DCK: variants seen among roughly 807,000 people sequenced by gnomAD.
DCK encodes deoxyadenosine kinase.
Under a neutral mutation model 38.3 loss-of-function variants are expected in DCK, and 23 were observed. The observed-to-expected ratio is 0.60, with a 90% CI of 0.43 to 0.85. DCK has a LOEUF of 0.85. Among genes scored for constraint, DCK ranks in the 40% least tolerant of loss-of-function variants. The probability of loss-of-function intolerance (pLI) is 0.00; values close to 1 mark genes in which losing one functional copy is unlikely to be tolerated. For synonymous variants in DCK, 108 were observed against 100.6 expected (o/e 1.07, Z -0.44); for missense variants, 259 against 304.4 (o/e 0.85, Z 1.11).
intron 3 of DCK, 28 bp downstream of exon 3, chr4:71,022,588 A>C (rs746713530): frequency 7.7e-7 from 1 of 1,303,184 alleles, no homozygotes; most frequent in African/African-American, 1.5e-5. Flanking sequence ...GTACGTGGCC[A>C]TTTGAAGTTT....
chr4:71,022,001 CAAAAA>C (rs981014579), intron 2 of DCK, among the ~76,000 whole-genome samples: 3 of 150,298 alleles, frequency 2.0e-5, no homozygotes, highest in African/African-American at 7.3e-5. Context: ...GACTCCATCT[CAAAAA>C]AGAAAAAAAA....
chr4:70,999,777 G>T lies in DCK; in HGVS notation c.207+1595G>T, dbSNP rs562410064. On this transcript the variant is annotated intron_variant, in intron 2 of 6. Coordinates refer to ENST00000286648, the MANE Select transcript of DCK (RefSeq NM_000788.3). The stretch of plus-strand genomic sequence containing the variant: ...TTGCATTTCTCTAATGACTGGTGAT[G>T]ATGAGCTTTTTTTCATGTTTGTTGG... 7.2e-4 allele frequency among the ~76,000 whole-genome samples: 110 copies of T among 152,306 alleles called. 1 individual carries two copies. The highest frequency in any genetic ancestry group is 2.4e-3 in the African/African-American group (101 of 41,564).
intron 2 of DCK, among the ~76,000 whole-genome samples, chr4:70,998,579 G>A (rs974470560): frequency 6.6e-6 from 1 of 152,146 alleles, no homozygotes; most frequent in Admixed American, 6.5e-5. Flanking sequence ...TGGTATCTGT[G>A]TGGAACCTGG....
At chr4:71,005,846 C>T (rs1286543749) in intron 2 of DCK, among the ~76,000 whole-genome samples, 1 of 151,740 alleles carries the variant, frequency 6.6e-6, no homozygotes, top group Non-Finnish European at 1.5e-5. Flanking sequence ...GCAAATAAGG[C>T]CGGGTGCGGT....
At chr4:71,026,521 G>A (rs1740551194) in intron 5 of DCK, 144 bp from the exon 6 acceptor site, 2 of 614,832 alleles carry the variant, frequency 3.3e-6, no homozygotes. Context: ...AGAAGGGGCT[G>A]CCAGATGAAG....
intron 2 of DCK, among the ~76,000 whole-genome samples, chr4:71,022,078 T>G (rs1740439242): frequency 6.6e-6 from 1 of 152,224 alleles, no homozygotes; most frequent in Admixed American, 6.5e-5. Context: ...GACAATACTA[T>G]TGACAAACTA....
Position 70,993,769 on chromosome 4 carries a change from C to A in DCK, c.-67C>A. The A allele has an allele frequency of 8.8e-7, 1 of 1,138,398 alleles. No homozygotes were observed. The highest frequency in any genetic ancestry group is 1.3e-6 in the Non-Finnish European group (1 of 773,976). 70.5% of individuals were successfully genotyped at this position (1,138,398 alleles called of 1,614,324 possible). ...CTTAGCGGCGCCGCGAGCTCCAGTGCGCGCACCCGTGGCCGCCTCCCAGCC... is the reference window on the plus strand; with the variant it reads ...CTTAGCGGCGCCGCGAGCTCCAGTGAGCGCACCCGTGGCCGCCTCCCAGCC... On this transcript the variant is annotated 5_prime_UTR_variant, in exon 1 of 7. Coordinates refer to ENST00000286648, the MANE Select transcript of DCK (RefSeq NM_000788.3).
chr4:71,011,989 T>TA (rs1242537463), intron 2 of DCK, among the ~76,000 whole-genome samples: 1 of 152,216 alleles, frequency 6.6e-6, no homozygotes, highest in Non-Finnish European at 1.5e-5. Flanking sequence ...ATATGTAATT[T>TA]AAAAAATATT....
At chr4:71,018,401 C>G (rs1174986986) in intron 2 of DCK, among the ~76,000 whole-genome samples, 2 of 151,960 alleles carry the variant, frequency 1.3e-5, no homozygotes, top group East Asian at 3.9e-4. Context: ...GTGCTAGGAT[C>G]ACAGGCGTGA....
At chr4:71,007,056 T>G (rs2148914297) in intron 2 of DCK, among the ~76,000 whole-genome samples, 1 of 152,288 alleles carries the variant, frequency 6.6e-6, no homozygotes, top group African/African-American at 2.4e-5. Context: ...CCAAAAATAC[T>G]TTTTCATACA....
chr4:71,022,849 A>T (rs1413398800), intron 3 of DCK, among the ~76,000 whole-genome samples: 1 of 152,140 alleles, frequency 6.6e-6, no homozygotes, highest in Non-Finnish European at 1.5e-5. Flanking sequence ...TAAAATTCTC[A>T]TCTGCTCTGG....
In DCK at chr4:71,029,649, T is replaced by C. The variant is rs1395642529; in HGVS notation, c.*271T>C. ...GTAGATGGTTCCAGTATCAGCATAGTGACTAAACTACATTATAAAAGATCC... is the reference window on the plus strand; with the variant it reads ...GTAGATGGTTCCAGTATCAGCATAGCGACTAAACTACATTATAAAAGATCC... On this transcript the variant is annotated 3_prime_UTR_variant, in exon 7 of 7. Transcript: ENST00000286648. 1 of 340,278 alleles carries C rather than the reference T, an allele frequency of 2.9e-6. No individual in the cohort carries two copies. Among genetic ancestry groups the C allele is most frequent in the African/African-American group, 2.2e-5 (1 of 46,342 alleles). The allele number at this position is 340,278 out of a possible 1,614,324, so 21.1% of individuals were successfully genotyped here. A position where few individuals can be genotyped will look rare whatever the true frequency, so the allele number is the denominator to read the frequency against.
At chr4:71,024,988 T>C (rs868684374) in intron 4 of DCK, among the ~76,000 whole-genome samples, 2 of 152,040 alleles carry the variant, frequency 1.3e-5, no homozygotes, top group Admixed American at 6.6e-5. Flanking sequence ...GATGAAAGGA[T>C]TGTTTAATTA....
chr4:71,016,496 AC>A (rs1740264927), intron 2 of DCK, among the ~76,000 whole-genome samples: 1 of 152,212 alleles, frequency 6.6e-6, no homozygotes, highest in East Asian at 1.9e-4. Flanking sequence ...AGCCAAAAGA[AC>A]AAAGCTGGAG....
intron 3 of DCK, among the ~76,000 whole-genome samples, chr4:71,023,122 C>A (rs2148919209): frequency 6.6e-6 from 1 of 152,224 alleles, no homozygotes; most frequent in Admixed American, 6.5e-5. Flanking sequence ...ATAATAAATT[C>A]ATTACATATT....
chr4:71,018,110 G>A (rs1740317868), intron 2 of DCK, among the ~76,000 whole-genome samples: 1 of 145,622 alleles, frequency 6.9e-6, no homozygotes, highest in Admixed American at 7.0e-5. Context: ...GGTTAAATTT[G>A]TATTCTAGAT....
At chr4:71,008,395 T>C (rs1026196788) in intron 2 of DCK, among the ~76,000 whole-genome samples, 1 of 152,196 alleles carries the variant, frequency 6.6e-6, no homozygotes, top group African/African-American at 2.4e-5. Context: ...CCTTTTCATA[T>C]GTTTATTAGT....
intron 2 of DCK, among the ~76,000 whole-genome samples, chr4:71,010,294 A>G (rs1046221658): frequency 2.2e-4 from 33 of 151,700 alleles, no homozygotes; most frequent in Non-Finnish European, 4.3e-4. Context: ...CCCTTCTCCA[A>G]ATCTCTCTTG....
intron 2 of DCK, chr4:71,006,297 C>A: frequency 1.1e-6 from 1 of 950,786 alleles, no homozygotes; most frequent in Non-Finnish European, 1.3e-6. Flanking sequence ...TTTTACCGTT[C>A]TGCACTGCAA....
Sources: allele counts gnomAD v4.1 joint callset (sites outside exome capture counted in the v4.1 genomes callset), GRCh38; gene constraint gnomAD v4.1.1; transcripts MANE v1.5; gene names NCBI Gene and HGNC (gene_info 2026-07-23, HGNC 2026-07-21).